NAALADL2: variants seen among roughly 807,000 people sequenced by gnomAD.
NAALADL2 encodes inactive N-acetylated-alpha-linked acidic dipeptidase-like protein 2.
In NAALADL2, 76 loss-of-function variants were observed where a neutral mutation model predicts 87.2. The ratio of observed to expected loss-of-function variants is 0.87; its 90% CI spans 0.72 to 1.05. NAALADL2 has a LOEUF of 1.05. Ranked by LOEUF, NAALADL2 falls within the 50% of genes least tolerant of loss-of-function variation. The pLI, the probability that NAALADL2 is intolerant of heterozygous loss-of-function variation, is 0.00. For synonymous variants in NAALADL2, 354 were observed against 331.0 expected (o/e 1.07, Z -0.75); for missense variants, 1,089 against 945.8 (o/e 1.15, Z -1.99).
chr3:174,741,916 C>G (rs1733805043), intron 3 of NAALADL2, among the ~76,000 whole-genome samples: 1 of 151,722 alleles, frequency 6.6e-6, no homozygotes, highest in Non-Finnish European at 1.5e-5. Context: ...CATATGGTCT[C>G]TTGTTAACTT....
At chr3:175,159,795 C>T (rs887734170) in intron 2 of NAALADL2, among the ~76,000 whole-genome samples, 8 of 151,050 alleles carry the variant, frequency 5.3e-5, no homozygotes, top group African/African-American at 1.9e-4. Flanking sequence ...CTCCCTGCCT[C>T]CCTCCCATCC....
intron 2 of NAALADL2, among the ~76,000 whole-genome samples, chr3:175,186,981 G>A (rs1411570188): frequency 2.6e-5 from 4 of 151,988 alleles, no homozygotes; most frequent in Non-Finnish European, 5.9e-5. Context: ...CAATCCTTTA[G>A]TTCACTATTT....
chr3:175,358,224 G>T lies in NAALADL2; in HGVS notation c.1090+33899G>T, dbSNP rs185014179. ...TCTAGATACATACACATACATACAGGTTTTTTTTCCTAATTTTGACATGCA... is the reference window on the plus strand; with the variant it reads ...TCTAGATACATACACATACATACAGTTTTTTTTTCCTAATTTTGACATGCA... On this transcript the variant is annotated intron_variant, in intron 5 of 13. Transcript: ENST00000454872. 2.0e-3 allele frequency among the ~76,000 whole-genome samples: 304 copies of T among 151,650 alleles called. 3 individuals are homozygous for T. The highest frequency in any genetic ancestry group is 6.6e-3 in the African/African-American group (272 of 41,374).
intron 5 of NAALADL2, among the ~76,000 whole-genome samples, chr3:175,397,602 A>T (rs1487169703): frequency 6.6e-6 from 1 of 152,122 alleles, no homozygotes; most frequent in Non-Finnish European, 1.5e-5. Context: ...TGAGCTGGAC[A>T]AGTCCCTTCT....
At chr3:175,230,803 A>T (rs1744837814) in intron 2 of NAALADL2, among the ~76,000 whole-genome samples, 1 of 152,128 alleles carries the variant, frequency 6.6e-6, no homozygotes, top group African/African-American at 2.4e-5. Context: ...GAGGAAGTAG[A>T]ACTGTCATAA....
At chr3:175,020,489 T>C (rs190088703) in intron 1 of NAALADL2, among the ~76,000 whole-genome samples, 109 of 152,206 alleles carry the variant, frequency 7.2e-4, no homozygotes, top group African/African-American at 2.6e-3. Context: ...CTTTTCCTTA[T>C]GAACCTGATC....
At chr3:174,727,374 T>A (rs556350976) in intron 2 of NAALADL2, among the ~76,000 whole-genome samples, 56 of 152,206 alleles carry the variant, frequency 3.7e-4, no homozygotes, top group Non-Finnish European at 7.4e-4. Context: ...TTCACTCATT[T>A]TTGATTGAAT....
At chr3:175,687,934 G>C (rs947506634) in intron 11 of NAALADL2, among the ~76,000 whole-genome samples, 3 of 151,976 alleles carry the variant, frequency 2.0e-5, no homozygotes, top group African/African-American at 7.3e-5. Flanking sequence ...CAGATGCTGG[G>C]ATCACACTTC....
At chr3:175,698,854 A>G (rs1053496853) in intron 11 of NAALADL2, among the ~76,000 whole-genome samples, 1 of 151,876 alleles carries the variant, frequency 6.6e-6, no homozygotes, top group Non-Finnish European at 1.5e-5. Context: ...TTTGAACATT[A>G]TTTCAAATAC....
In NAALADL2 at chr3:175,151,864, G is replaced by A. The variant is rs1731596520; in HGVS notation, c.545+54573G>A. 2.0e-5 allele frequency among the ~76,000 whole-genome samples: 3 copies of A among 152,112 alleles called. No homozygotes were observed. The South Asian group carries it at 6.2e-4, about 32-fold the overall frequency. ...ATTGTAAATGCTAACATTTATTTGAGTGCCTATTACCTTCTAGATACATCA... is the reference window on the plus strand; with the variant it reads ...ATTGTAAATGCTAACATTTATTTGAATGCCTATTACCTTCTAGATACATCA... On this transcript the variant is annotated intron_variant, in intron 2 of 13. Transcript: ENST00000454872.
chr3:174,755,818 A>G (rs1578800925), intron 3 of NAALADL2, among the ~76,000 whole-genome samples: 1 of 152,196 alleles, frequency 6.6e-6, no homozygotes, highest in Non-Finnish European at 1.5e-5. Flanking sequence ...CAAAATATCT[A>G]CTTCTCCATA....
chr3:175,556,650 TC>T (rs1055369948), intron 9 of NAALADL2, among the ~76,000 whole-genome samples: 1 of 152,194 alleles, frequency 6.6e-6, no homozygotes, highest in African/African-American at 2.4e-5. Context: ...CAAAAAAAAA[TC>T]TCAGGAAAGC....
At chr3:174,898,429 CTAT>C (rs1731886652) in intron 1 of NAALADL2, among the ~76,000 whole-genome samples, 1 of 151,602 alleles carries the variant, frequency 6.6e-6, no homozygotes, top group Non-Finnish European at 1.5e-5. Flanking sequence ...ATAAGACTGA[CTAT>C]TTGATAGCAC....
At chr3:175,561,693 A>G (rs1198871422) in intron 9 of NAALADL2, among the ~76,000 whole-genome samples, 3 of 152,022 alleles carry the variant, frequency 2.0e-5, no homozygotes, top group Admixed American at 2.0e-4. Flanking sequence ...TGCCAGCCCT[A>G]CCAGATTAAG....
intron 5 of NAALADL2, among the ~76,000 whole-genome samples, chr3:175,367,374 A>G (rs903645251): frequency 1.6e-4 from 8 of 49,646 alleles, no homozygotes; most frequent in African/African-American, 5.9e-4. Flanking sequence ...AACTTTAAAG[A>G]GTTGTTTCCG....
chr3:175,400,319 T>C (rs1291186267), intron 5 of NAALADL2, among the ~76,000 whole-genome samples: 1 of 152,086 alleles, frequency 6.6e-6, no homozygotes, highest in Non-Finnish European at 1.5e-5. Context: ...AAGGGCTTCA[T>C]CGGTACTGGC....
intron 2 of NAALADL2, among the ~76,000 whole-genome samples, chr3:175,195,530 A>G (rs539134616): frequency 1.3e-5 from 2 of 151,996 alleles, no homozygotes; most frequent in African/African-American, 4.8e-5. Flanking sequence ...CATGGGAATA[A>G]CTATTTGAAA....
intron 2 of NAALADL2, among the ~76,000 whole-genome samples, chr3:174,709,309 GTCTTT>G (rs1307939822): frequency 2.8e-4 from 42 of 152,202 alleles, no homozygotes; most frequent in Middle Eastern, 3.4e-3. Flanking sequence ...GGTACTTTGT[GTCTTT>G]CATCATGTTC....
At chr3:174,775,373 A>G (rs1222333718) in intron 3 of NAALADL2, among the ~76,000 whole-genome samples, 1 of 152,104 alleles carries the variant, frequency 6.6e-6, no homozygotes, top group African/African-American at 2.4e-5. Context: ...CTGGATATTC[A>G]TAAAAGTGGA....
Sources: allele counts gnomAD v4.1 joint callset (sites outside exome capture counted in the v4.1 genomes callset), GRCh38; gene constraint gnomAD v4.1.1; transcripts MANE v1.5; gene names NCBI Gene and HGNC (gene_info 2026-07-23, HGNC 2026-07-21).